The following PPP2R3B variants were observed in gnomAD, a reference collection of about 807,000 sequenced individuals.
PPP2R3B encodes the protein protein phosphatase 2 regulatory subunit B''beta.
A neutral mutation model predicts 72.9 loss-of-function variants in PPP2R3B; 68 were observed. The observed-to-expected ratio is 0.93, with a 90% CI of 0.77 to 1.14. The LOEUF (loss-of-function observed/expected upper bound fraction) is 1.14. Ranked by LOEUF, PPP2R3B falls within the 50% of genes most tolerant of loss-of-function variation. The pLI, the probability that PPP2R3B is intolerant of heterozygous loss-of-function variation, is 0.00. For synonymous variants in PPP2R3B, 466 were observed against 375.8 expected, an observed-to-expected ratio of 1.24 and a Z score of -2.78; for missense variants, 1,018 against 842.0, an observed-to-expected ratio of 1.21 and a Z score of -2.59.
At chrX:367,060 T>G (rs1328765767) in intron 1 of PPP2R3B, among the ~76,000 whole-genome samples, 1 of 135,962 alleles carries the variant, frequency 7.4e-6, no homozygotes, top group East Asian at 2.0e-4. Flanking sequence ...TACTTGGACA[T>G]TTTTAGCCCC....
Position 346,637 on chromosome X carries a change from G to A in PPP2R3B, c.792+64C>T, listed in dbSNP as rs1404883612. 3.4e-6 allele frequency: 5 copies of A among 1,482,776 alleles called. No homozygotes were observed. In the African/African-American group the frequency reaches 6.9e-5, roughly 21 times the overall value. 91.9% of individuals were successfully genotyped at this position (1,482,776 alleles called of 1,614,324 possible). A position where few individuals can be genotyped will look rare whatever the true frequency, so the allele number is the denominator to read the frequency against. The stretch of plus-strand genomic sequence containing the variant: ...CCGCCCCGTCCGCAGAAGCCCCGCG[G>A]CGGCCGCTGCAGAAACACCCGCGCC... On this transcript the variant is annotated intron_variant, in intron 5 of 12. Transcript: ENST00000390665.
At chrX:354,948 C>T (rs749033384) in intron 2 of PPP2R3B, among the ~76,000 whole-genome samples, 10 of 152,348 alleles carry the variant, frequency 6.6e-5, no homozygotes, top group African/African-American at 1.2e-4. Flanking sequence ...GCGTCACGGA[C>T]GACTTGAGCC....
intron 1 of PPP2R3B, among the ~76,000 whole-genome samples, chrX:372,482 C>T (rs1215895361): frequency 2.0e-5 from 3 of 152,180 alleles, no homozygotes; most frequent in African/African-American, 7.2e-5. Context: ...CACACCCTGT[C>T]TGGATGAAAT....
At chrX:383,755 G>A (rs1217186191) in intron 1 of PPP2R3B, among the ~76,000 whole-genome samples, 5 of 140,418 alleles carry the variant, frequency 3.6e-5, no homozygotes, top group South Asian at 4.7e-4. Context: ...GGAGAATGGC[G>A]TGAACCCGGG....
intron 1 of PPP2R3B, among the ~76,000 whole-genome samples, chrX:379,406 CTATG>C (rs1416801318): frequency 1.4e-5 from 2 of 145,948 alleles, no homozygotes; most frequent in African/African-American, 5.3e-5. Flanking sequence ...GTGTATGCAC[CTATG>C]TGTGTATGCA....
intron 1 of PPP2R3B, among the ~76,000 whole-genome samples, chrX:384,261 ACTCTCTCT>A (rs766359373): frequency 5.6e-5 from 8 of 142,420 alleles, no homozygotes; most frequent in African/African-American, 1.1e-4. Context: ...ACGCAAGAAG[ACTCTCTCT>A]CTCTCTCTCT....
At chrX:361,641 C>G (rs1200153312) in intron 1 of PPP2R3B, 51 bp from the exon 2 acceptor site, 2 of 1,598,402 alleles carry the variant, frequency 1.3e-6, no homozygotes, top group Non-Finnish European at 8.6e-7. Context: ...CATCGAACGC[C>G]TTCTTCACCC....
intron 1 of PPP2R3B, among the ~76,000 whole-genome samples, chrX:367,374 G>C (rs942858500): frequency 4.0e-5 from 6 of 151,178 alleles, no homozygotes; most frequent in Non-Finnish European, 7.4e-5. Context: ...CGGTTTGTGA[G>C]TTGGAGGAAA....
chrX:363,870 C>T (rs758808992), intron 1 of PPP2R3B, among the ~76,000 whole-genome samples: 252 of 152,374 alleles, frequency 1.7e-3, no homozygotes, highest in Non-Finnish European at 2.7e-3. Flanking sequence ...AGTGAGCTCT[C>T]GGGCTCCTGT....
intron 12 of PPP2R3B, 169 bp downstream of exon 12, chrX:338,435 C>CA: frequency 1.5e-6 from 1 of 686,438 alleles, no homozygotes; most frequent in South Asian, 1.7e-5. Context: ...GTCCTTACCT[C>CA]ACCGGCCCCG....
Position 361,523 on chromosome X carries a change from G to A in PPP2R3B, c.392C>T (p.Pro131Leu). Reference protein sequence around the residue: ...TSQSIPTFYFPRGRPQDSVNV... With the variant: ...TSQSIPTFYFLRGRPQDSVNV... ...GACGGAGTCCTGCGGGCGTCCTCTG[G>A]GGAAGTAGAAGGTCGGAATGCTTTG... The change falls in exon 2 of 13, where the codon CCC (proline) becomes CTC (leucine). Residue 131 changes from proline to leucine, a missense_variant. Pro to Leu is a moderately conservative substitution (Grantham distance 98). Transcript: ENST00000390665. 1 of 1,614,012 alleles carries A rather than the reference G, an allele frequency of 6.2e-7. No individual in the cohort carries two copies. The highest frequency in any genetic ancestry group is 2.2e-5 in the East Asian group (1 of 44,878).
At chrX:373,076 A>G (rs1386690354) in intron 1 of PPP2R3B, among the ~76,000 whole-genome samples, 5 of 152,166 alleles carry the variant, frequency 3.3e-5, no homozygotes, top group African/African-American at 1.2e-4. Flanking sequence ...TAACGCCGGG[A>G]AAGTTTCACC....
intron 12 of PPP2R3B, 174 bp from the exon 13 acceptor site, chrX:334,691 C>A: frequency 1.3e-6 from 1 of 748,160 alleles, no homozygotes; most frequent in Non-Finnish European, 1.9e-6. Flanking sequence ...GACGCCGGCT[C>A]CACGAATGCT....
intron 1 of PPP2R3B, among the ~76,000 whole-genome samples, chrX:363,225 C>T (rs73178047): frequency 0.38 from 54,930 of 142,998 alleles, 9,953 homozygotes; most frequent in East Asian, 0.43. Context: ...TCCCCGAGCC[C>T]GCGATCCCAC....
Position 334,414 on chromosome X carries a change from C to T in PPP2R3B, c.1681G>A (p.Asp561Asn), listed in dbSNP as rs2070831000. ...FEAPSPLGAV[D>N]LYEYACGDED... ...TCCCCGCATGCGTACTCGTACAGGT[C>T]CACGGCGCCCAGCGGTGAGGGCGCC... Residue 561 changes from aspartate (D) to asparagine (N), a missense_variant, in exon 13 of 13, where the codon GAC (aspartate) becomes AAC (asparagine). Transcript: ENST00000390665. 6.3e-7 allele frequency: 1 copy of T among 1,591,122 alleles called. No homozygotes were observed. The highest frequency in any genetic ancestry group is 8.5e-7 in the Non-Finnish European group (1 of 1,174,566).
intron 1 of PPP2R3B, among the ~76,000 whole-genome samples, chrX:383,315 A>G (rs2072164993): frequency 6.6e-6 from 1 of 152,134 alleles, no homozygotes; most frequent in African/African-American, 2.4e-5. Flanking sequence ...TGCTACGTAA[A>G]TATCACTTTG....
chrX:373,317 C>T (rs1042977938), intron 1 of PPP2R3B, among the ~76,000 whole-genome samples: 15 of 152,356 alleles, frequency 9.8e-5, no homozygotes, highest in African/African-American at 3.6e-4. Flanking sequence ...CCGCTTCCCA[C>T]AGAGCAGCAC....
At chrX:351,011 C>T (rs766128354) in intron 2 of PPP2R3B, among the ~76,000 whole-genome samples, 9 of 151,938 alleles carry the variant, frequency 5.9e-5, no homozygotes, top group South Asian at 2.1e-4. Context: ...GGAGTGACCA[C>T]GGGGGGGCGT....
intron 1 of PPP2R3B, among the ~76,000 whole-genome samples, chrX:379,119 C>CTGTGTGTATGCACCTATG (rs1204806656): frequency 7.1e-6 from 1 of 140,968 alleles, no homozygotes; most frequent in East Asian, 2.2e-4. Context: ...GTGTGTGCAC[C>CTGTGTGTATGCACCTATG]TGTGTGTATG....
Sources: allele counts gnomAD v4.1 joint callset (sites outside exome capture counted in the v4.1 genomes callset), GRCh38; gene constraint gnomAD v4.1.1; transcripts MANE v1.5; gene names NCBI Gene and HGNC (gene_info 2026-07-23, HGNC 2026-07-21).